Variants in VPS37A observed in about 807,000 individuals in gnomAD.
The protein encoded by VPS37A is vacuolar protein sorting-associated protein 37A.
VPS37A carries 30 observed loss-of-function variants against 49.8 expected under a neutral mutation model. That is an observed-to-expected ratio of 0.60 (90% CI 0.45 to 0.82). The LOEUF is 0.82. VPS37A is among the 40% of genes least tolerant of loss of function. The pLI, the probability that VPS37A is intolerant of heterozygous loss-of-function variation, is 0.00. For missense variants in VPS37A, 593 were observed against 464.4 expected (o/e 1.28, Z -2.55); for synonymous variants, 195 against 160.6 (o/e 1.21, Z -1.62).
chr8:17,322,432 C>T, the VPS37A span, among the ~76,000 whole-genome samples: 7 of 152,162 alleles, frequency 4.6e-5, no homozygotes, highest in Admixed American at 1.3e-4. Flanking sequence ...GACAAATTCA[C>T]AGTGTATCAT....
intron 1 of VPS37A, among the ~76,000 whole-genome samples, chr8:17,263,883 G>C (rs888004501): frequency 6.6e-6 from 1 of 152,156 alleles, no homozygotes; most frequent in African/African-American, 2.4e-5. Flanking sequence ...AGAAATTCTA[G>C]TGAGCCAAGA....
intron 10 of VPS37A, among the ~76,000 whole-genome samples, chr8:17,285,574 GACATACACACAC>G (rs773485661): frequency 7.9e-5 from 12 of 152,096 alleles, no homozygotes; most frequent in Admixed American, 2.0e-4. Context: ...ACATCTGTGA[GACATACACACAC>G]ACATACACAC....
the VPS37A span, among the ~76,000 whole-genome samples, chr8:17,322,623 C>T: frequency 6.6e-6 from 1 of 151,940 alleles, no homozygotes; most frequent in African/African-American, 2.4e-5. Flanking sequence ...AGTTCAAGAT[C>T]AACCTGGGTA....
At chr8:17,274,225 G>GT (rs1161984678) in intron 4 of VPS37A, among the ~76,000 whole-genome samples, 6 of 152,202 alleles carry the variant, frequency 3.9e-5, no homozygotes, top group Non-Finnish European at 8.8e-5. Flanking sequence ...ATATGCATCT[G>GT]TTTTTAATAT....
chr8:17,283,501 T>C (rs1815294888), intron 9 of VPS37A, among the ~76,000 whole-genome samples: 1 of 152,220 alleles, frequency 6.6e-6, no homozygotes, highest in African/African-American at 2.4e-5. Context: ...GATTTAGGTC[T>C]TTGATCCATT....
Position 17,297,270 on chromosome 8 carries a change from AAATC to A in VPS37A, c.*2294_*2297del, listed in dbSNP as rs569171936. 9.2e-5 allele frequency: 14 copies of A among 152,272 alleles called. No homozygotes were observed. Among genetic ancestry groups the A allele is most frequent in the South Asian group, 2.1e-4 (1 of 4,828 alleles). The allele number at this position is 152,272 out of a possible 1,614,324, so 9.4% of individuals were successfully genotyped here. A position where few individuals can be genotyped will look rare whatever the true frequency, so the allele number is the denominator to read the frequency against. ...ATATCTTAAAATAGAAGAAAATTCT[AAATC>A]AATCAATCAGTGAGATATAAACTAA... On this transcript the variant is annotated 3_prime_UTR_variant, in exon 12 of 12. Transcript: ENST00000324849.
chr8:17,328,687 A>C, the VPS37A span, among the ~76,000 whole-genome samples: 1 of 152,182 alleles, frequency 6.6e-6, no homozygotes, highest in East Asian at 1.9e-4. Flanking sequence ...ACTTATGTAC[A>C]TCCTGCACAT....
At position 17,247,257 on chromosome 8, in the gene VPS37A, T is replaced by A. The variant is rs1433822226; in HGVS notation, c.13T>A (p.Phe5Ile). 6.4e-6 allele frequency: 10 copies of A among 1,571,270 alleles called. No individual in the cohort carries two copies. Among genetic ancestry groups the A allele is most frequent in the Non-Finnish European group, 8.6e-6 (10 of 1,158,278 alleles). The change falls in exon 1 of 12, where the codon TTT becomes ATT. Residue 5 changes from phenylalanine (F) to isoleucine (I), a missense_variant. Physicochemically the swap from Phe to Ile is conservative, Grantham distance 21. Transcript: ENST00000324849. MSWLFPLTKSASSSA... is the reference protein window; with the variant it reads MSWLIPLTKSASSSA... ...GGACCCGAGGAGGATGAGCTGGCTTTTTCCCCTGACCAAGAGCGCCTCCTC... is the reference window on the plus strand; with the variant it reads ...GGACCCGAGGAGGATGAGCTGGCTTATTCCCCTGACCAAGAGCGCCTCCTC...
chr8:17,251,058 G>A (rs1429352963), intron 1 of VPS37A, among the ~76,000 whole-genome samples: 1 of 152,092 alleles, frequency 6.6e-6, no homozygotes, highest in African/African-American at 2.4e-5. Flanking sequence ...CTGACTTTAT[G>A]GACACTGTTG....
chr8:17,306,671 AC>A (rs1480389055), downstream of VPS37A, among the ~76,000 whole-genome samples: 1 of 152,060 alleles, frequency 6.6e-6, no homozygotes, highest in Non-Finnish European at 1.5e-5. Context: ...ACAATATAGA[AC>A]CCCGTGTTAG....
rs549069383 is a variant in VPS37A, at chr8:17,257,044, A to G, written c.126-8863A>G. Reference sequence around the variant, plus strand: ...CATTTCCTCAATGTTTTCTTCTAGTAGTTCCATAGTTTCAGGTCTTAGATT... The same window carrying G: ...CATTTCCTCAATGTTTTCTTCTAGTGGTTCCATAGTTTCAGGTCTTAGATT... On this transcript the variant is annotated intron_variant, in intron 1 of 11. Coordinates refer to ENST00000324849, the MANE Select transcript of VPS37A (RefSeq NM_152415.3). Among the ~76,000 whole-genome samples the G allele has an allele frequency of 2.1e-4, 32 of 152,326 alleles. 1 individual carries two copies. Among genetic ancestry groups the G allele is most frequent in the African/African-American group, 7.5e-4 (31 of 41,572 alleles).
At chr8:17,279,891 A>C in intron 6 of VPS37A, 137 bp from the exon 7 acceptor site, 1 of 1,008,626 alleles carries the variant, frequency 9.9e-7, no homozygotes, top group Non-Finnish European at 1.5e-6. Context: ...TAAGGTTAAA[A>C]CTGGCAGCCT....
intron 1 of VPS37A, among the ~76,000 whole-genome samples, chr8:17,261,549 A>T (rs1279673336): frequency 2.0e-5 from 3 of 152,108 alleles, no homozygotes. Flanking sequence ...CTATGTCTTT[A>T]CTTTGACGAA....
At chr8:17,280,214 A>G in intron 7 of VPS37A, 25 bp from the exon 8 acceptor site, 1 of 1,611,780 alleles carries the variant, frequency 6.2e-7, no homozygotes, top group Middle Eastern at 1.7e-4. Flanking sequence ...TTTACCTAGA[A>G]GTAAACTAGA....
intron 1 of VPS37A, chr8:17,247,799 C>A (rs1472988185): frequency 1.4e-6 from 1 of 701,890 alleles, no homozygotes; most frequent in Non-Finnish European, 2.6e-6. Context: ...AGAACTGTTG[C>A]AACATCAAAG....
At chr8:17,300,396 G>A (rs1817037388), downstream of VPS37A, 1 of 656,052 alleles carries the variant, frequency 1.5e-6, no homozygotes, top group Non-Finnish European at 2.5e-6. Flanking sequence ...AAATCTGTGA[G>A]GCCTGCTTTA....
At chr8:17,277,897 CACACAG>C (rs914668855) in intron 6 of VPS37A, among the ~76,000 whole-genome samples, 1 of 149,864 alleles carries the variant, frequency 6.7e-6, no homozygotes, top group African/African-American at 2.5e-5. Flanking sequence ...CACACACACA[CACACAG>C]ACATATACAT....
At chr8:17,284,417 G>A (rs892650526) in intron 9 of VPS37A, 56 bp from the exon 10 acceptor site, 4 of 1,517,246 alleles carry the variant, frequency 2.6e-6, no homozygotes, top group Non-Finnish European at 3.5e-6. Context: ...TCCTTTCCCT[G>A]TGAGGAGTTC....
chr8:17,316,257 A>G, the VPS37A span, among the ~76,000 whole-genome samples: 2 of 152,014 alleles, frequency 1.3e-5, no homozygotes, highest in African/African-American at 2.4e-5. Flanking sequence ...ATTCTCAAAT[A>G]ATATATATAT....
Sources: allele counts gnomAD v4.1 joint callset (sites outside exome capture counted in the v4.1 genomes callset), GRCh38; gene constraint gnomAD v4.1.1; transcripts MANE v1.5; gene names NCBI Gene and HGNC (gene_info 2026-07-23, HGNC 2026-07-21).